LUC7L3: variants seen among roughly 807,000 people sequenced by gnomAD.
LUC7L3 encodes luc7-like protein 3.
A neutral mutation model predicts 66.8 loss-of-function variants in LUC7L3; 6 were observed. The ratio of observed to expected loss-of-function variants is 0.09; its 90% CI spans 0.05 to 0.18. The LOEUF (loss-of-function observed/expected upper bound fraction) is 0.18. Ranked by LOEUF, LUC7L3 falls within the 10% of genes least tolerant of loss-of-function variation. The pLI is 1.00. For missense variants in LUC7L3, 341 were observed against 531.1 expected (o/e 0.64, Z 3.52); for synonymous variants, 160 against 174.7 (o/e 0.92, Z 0.66).
Position 50,751,015 on chromosome 17 carries a change from G to C in LUC7L3, c.*354G>C. 5.6e-6 allele frequency: 8 copies of C among 1,429,994 alleles called. No individual in the cohort carries two copies. Among genetic ancestry groups the C allele is most frequent in the Non-Finnish European group, 7.3e-6 (8 of 1,099,438 alleles). 88.6% of individuals were successfully genotyped at this position (1,429,994 alleles called of 1,614,324 possible). A position where few individuals can be genotyped will look rare whatever the true frequency, so the allele number is the denominator to read the frequency against. On this transcript the variant is annotated 3_prime_UTR_variant, in exon 10 of 10. Coordinates refer to ENST00000505658, the MANE Select transcript of LUC7L3 (RefSeq NM_016424.5). Reference sequence around the variant, plus strand: ...TTTCTTTTTTTTTTTTAATAAAAAGGTTGAACTGTTTTTTTTTTTCTTTTT... The same window carrying C: ...TTTCTTTTTTTTTTTTAATAAAAAGCTTGAACTGTTTTTTTTTTTCTTTTT...
chr17:50,745,152 G>A (rs1970587399), intron 7 of LUC7L3, among the ~76,000 whole-genome samples: 1 of 152,044 alleles, frequency 6.6e-6, no homozygotes, highest in South Asian at 2.1e-4. Context: ...ACCACGCCCG[G>A]CTGATTTTTG....
Position 50,746,646 on chromosome 17 carries a change from A to G in LUC7L3, c.1082A>G (p.Tyr361Cys), listed in dbSNP as rs756081157. Residue 361 changes from tyrosine (Y) to cysteine (C), a missense_variant, in exon 9 of 10, where the codon TAT (tyrosine) becomes TGT (cysteine). By Grantham distance (194) the Tyr-to-Cys change is radical (BLOSUM62 -2). Coordinates refer to ENST00000505658, the MANE Select transcript of LUC7L3 (RefSeq NM_016424.5). Reference sequence around the variant, plus strand: ...TCAAAAAGCCGGGATCGAAAGTCATATAAGCACAGGAGCAAAAGTCGGGAC... The same window carrying G: ...TCAAAAAGCCGGGATCGAAAGTCATGTAAGCACAGGAGCAAAAGTCGGGAC... ...RRSKSRDRKSYKHRSKSRDRE... is the reference protein window; with the variant it reads ...RRSKSRDRKSCKHRSKSRDRE... The G allele has an allele frequency of 4.3e-6, 7 of 1,614,052 alleles. No homozygotes were observed. Among genetic ancestry groups the G allele is most frequent in the African/African-American group, 4.0e-5 (3 of 74,938 alleles).
chr17:50,755,276 T>C lies in LUC7L3; in HGVS notation c.*4615T>C, dbSNP rs1057109020. ...AGGAGCTTGCTGCTGTTAACAGTTATTCTTCCAAGTTGTTTTCTTTGTGGG... is the reference window on the plus strand; with the variant it reads ...AGGAGCTTGCTGCTGTTAACAGTTACTCTTCCAAGTTGTTTTCTTTGTGGG... On this transcript the variant is annotated 3_prime_UTR_variant, in exon 10 of 10. Coordinates refer to ENST00000505658, the MANE Select transcript of LUC7L3 (RefSeq NM_016424.5). The C allele has an allele frequency of 6.6e-6, 1 of 152,224 alleles. No individual in the cohort carries two copies. The highest frequency in any genetic ancestry group is 1.5e-5 in the Non-Finnish European group (1 of 68,030). The allele number at this position is 152,224 out of a possible 1,614,324, so 9.4% of individuals were successfully genotyped here. A position where few individuals can be genotyped will look rare whatever the true frequency, so the allele number is the denominator to read the frequency against.
intron 1 of LUC7L3, among the ~76,000 whole-genome samples, chr17:50,724,936 G>A (rs186196246): frequency 1.3e-5 from 2 of 151,670 alleles, no homozygotes; most frequent in African/African-American, 4.8e-5. Flanking sequence ...TAATTTTTGT[G>A]TTGTTGTAGA....
chr17:50,725,240 T>A (rs1019882088), intron 1 of LUC7L3, among the ~76,000 whole-genome samples: 1 of 152,072 alleles, frequency 6.6e-6, no homozygotes, highest in African/African-American at 2.4e-5. Flanking sequence ...CGAAACCCTG[T>A]CTCTACTAAA....
Position 50,752,403 on chromosome 17 carries a change from G to T in LUC7L3, c.*1742G>T. The T allele has an allele frequency of 3.6e-6, 1 of 276,246 alleles. No individual in the cohort carries two copies. Among genetic ancestry groups the T allele is most frequent in the Non-Finnish European group, 6.4e-6 (1 of 156,204 alleles). 17.1% of individuals were successfully genotyped at this position (276,246 alleles called of 1,614,324 possible). On this transcript the variant is annotated 3_prime_UTR_variant, in exon 10 of 10. Transcript: ENST00000505658. Reference sequence around the variant, plus strand: ...CAGAACATGTGTTAATAGTATATATGCCACTGAAAACTTAGGTCCTGTATC... The same window carrying T: ...CAGAACATGTGTTAATAGTATATATTCCACTGAAAACTTAGGTCCTGTATC...
chr17:50,747,706 CACAA>C (rs1970766543), intron 9 of LUC7L3, among the ~76,000 whole-genome samples: 1 of 152,296 alleles, frequency 6.6e-6, no homozygotes, highest in Non-Finnish European at 1.5e-5. Context: ...GAACTAGCAG[CACAA>C]ACCATGGACA....
Position 50,752,191 on chromosome 17 carries a change from G to T in LUC7L3, c.*1530G>T. 1 of 1,283,214 alleles carries T rather than the reference G, an allele frequency of 7.8e-7. No homozygotes were observed. Among genetic ancestry groups the T allele is most frequent in the African/African-American group, 1.5e-5 (1 of 65,586 alleles). 79.5% of individuals were successfully genotyped at this position (1,283,214 alleles called of 1,614,324 possible). Reference sequence around the variant, plus strand: ...TAATTATCATTTTTCCCCAAATTTTGCGTTGTAGGACTACTGTTCGAAGAT... The same window carrying T: ...TAATTATCATTTTTCCCCAAATTTTTCGTTGTAGGACTACTGTTCGAAGAT... On this transcript the variant is annotated 3_prime_UTR_variant, in exon 10 of 10. Transcript: ENST00000505658.
At chr17:50,736,150 G>A (rs1969973027) in intron 1 of LUC7L3, among the ~76,000 whole-genome samples, 1 of 152,088 alleles carries the variant, frequency 6.6e-6, no homozygotes, top group Non-Finnish European at 1.5e-5. Context: ...AAAATATATA[G>A]TAATAATCCA....
In LUC7L3 at chr17:50,753,510, A is replaced by G. The variant is rs1262853360; in HGVS notation, c.*2849A>G. On this transcript the variant is annotated 3_prime_UTR_variant, in exon 10 of 10. Coordinates refer to ENST00000505658, the MANE Select transcript of LUC7L3 (RefSeq NM_016424.5). ...CACTTTAGAGGCTCTGTATGAAAAA[A>G]TGCTGTGGAGACAGAGCCCTCCTGG... The G allele has an allele frequency of 6.6e-6, 1 of 152,244 alleles. No homozygotes were observed. The highest frequency in any genetic ancestry group is 1.5e-5 in the Non-Finnish European group (1 of 68,028). 9.4% of individuals were successfully genotyped at this position (152,244 alleles called of 1,614,324 possible).
chr17:50,743,921 A>G, intron 6 of LUC7L3, 111 bp downstream of exon 6: 3 of 766,198 alleles, frequency 3.9e-6, no homozygotes, highest in South Asian at 1.8e-5. Context: ...AGTCAGCACA[A>G]TTTGTAGCCC....
At chr17:50,744,876 A>G in intron 7 of LUC7L3, 63 bp downstream of exon 7, 1 of 1,383,014 alleles carries the variant, frequency 7.2e-7, no homozygotes, top group Non-Finnish European at 9.9e-7. Context: ...CAGTGACGCG[A>G]TCTCAGCTCA....
chr17:50,742,567 C>G (rs1970418651), intron 5 of LUC7L3, among the ~76,000 whole-genome samples: 1 of 152,174 alleles, frequency 6.6e-6, no homozygotes, highest in Admixed American at 6.5e-5. Flanking sequence ...CCGTGCTGGC[C>G]AAGCTGGTCT....
chr17:50,735,463 CCCTTTTCCTTTTCGTTTT>C (rs1181502763), intron 1 of LUC7L3, among the ~76,000 whole-genome samples: 1 of 151,838 alleles, frequency 6.6e-6, no homozygotes, highest in Non-Finnish European at 1.5e-5. Context: ...CATTTCCTTT[CCCTTTTCCTTTTCGTTTT>C]CCTTTTGCCT....
Position 50,751,483 on chromosome 17 carries a change from T to C in LUC7L3, c.*822T>C. ...CTTTACAAGAAGTGCAGAGGGGTTT[T>C]TTGTGTATTGCGTGAAAACTTATAA... On this transcript the variant is annotated 3_prime_UTR_variant, in exon 10 of 10. Coordinates refer to ENST00000505658, the MANE Select transcript of LUC7L3 (RefSeq NM_016424.5). 8.3e-7 allele frequency: 1 copy of C among 1,205,266 alleles called. No individual in the cohort carries two copies. The highest frequency in any genetic ancestry group is 1.1e-6 in the Non-Finnish European group (1 of 948,242). The allele number at this position is 1,205,266 out of a possible 1,614,324, so 74.7% of individuals were successfully genotyped here. A position where few individuals can be genotyped will look rare whatever the true frequency, so the allele number is the denominator to read the frequency against.
At chr17:50,740,182 A>C (rs1310045704) in intron 2 of LUC7L3, 124 bp from the exon 3 acceptor site, 1 of 713,176 alleles carries the variant, frequency 1.4e-6, no homozygotes, top group Admixed American at 2.8e-5. Context: ...TTAGATGTCT[A>C]CAAACTACTC....
At chr17:50,747,558 C>A (rs1970757417) in intron 9 of LUC7L3, among the ~76,000 whole-genome samples, 1 of 152,010 alleles carries the variant, frequency 6.6e-6, no homozygotes, top group Non-Finnish European at 1.5e-5. Context: ...CTACCTGTCT[C>A]CATGTTTAAT....
At chr17:50,728,230 G>A (rs1160827393) in intron 1 of LUC7L3, among the ~76,000 whole-genome samples, 1 of 152,166 alleles carries the variant, frequency 6.6e-6, no homozygotes, top group African/African-American at 2.4e-5. Flanking sequence ...ACTGGCTGCT[G>A]TGGAAGATTG....
intron 5 of LUC7L3, among the ~76,000 whole-genome samples, chr17:50,743,289 C>G (rs1056065699): frequency 1.3e-5 from 2 of 152,122 alleles, no homozygotes; most frequent in East Asian, 1.9e-4. Context: ...GCCTCCTCCT[C>G]CTGGGTTCAA....
Sources: gnomAD v4.1 joint callset for allele counts (sites outside exome capture counted in the v4.1 genomes callset) on GRCh38, gnomAD v4.1.1 for gene constraint, MANE v1.5 for transcripts, NCBI Gene and HGNC (gene_info 2026-07-23, HGNC 2026-07-21) for gene names.